Variants in GOSR1 observed in about 807,000 individuals in gnomAD.
The protein encoded by GOSR1 is 28 kDa Golgi SNARE protein.
In GOSR1, 21 loss-of-function variants were observed where a neutral mutation model predicts 35.5. That is an observed-to-expected ratio of 0.59 (90% CI 0.42 to 0.85). The LOEUF (loss-of-function observed/expected upper bound fraction) is 0.85, where lower values mean the gene tolerates loss of function less well. Ranked by LOEUF, GOSR1 falls within the 40% of genes least tolerant of loss-of-function variation. GOSR1 has a pLI of 0.00. For synonymous variants in GOSR1, 94 were observed against 106.6 expected (o/e 0.88, Z 0.73); for missense variants, 285 against 309.6 (o/e 0.92, Z 0.60).
chr17:30,478,308 C>T (rs1347064328), intron 1 of GOSR1, among the ~76,000 whole-genome samples: 1 of 152,212 alleles, frequency 6.6e-6, no homozygotes, highest in Non-Finnish European at 1.5e-5. Flanking sequence ...AAACTACTTT[C>T]CAAATTCCTT....
At chr17:30,496,958 C>G (rs1176121815) in intron 6 of GOSR1, among the ~76,000 whole-genome samples, 1 of 152,198 alleles carries the variant, frequency 6.6e-6, no homozygotes, top group Non-Finnish European at 1.5e-5. Flanking sequence ...GCACATTAAA[C>G]ACATCAGCTT....
intron 4 of GOSR1, among the ~76,000 whole-genome samples, chr17:30,488,330 A>AT (rs993489116): frequency 9.4e-5 from 14 of 149,310 alleles, no homozygotes; most frequent in Non-Finnish European, 1.5e-4. Context: ...ATGCCCGGCT[A>AT]TTTTTTTGTA....
chr17:30,499,902 C>G (rs1296533452), intron 6 of GOSR1, among the ~76,000 whole-genome samples: 1 of 152,164 alleles, frequency 6.6e-6, no homozygotes, highest in Non-Finnish European at 1.5e-5. Context: ...GTTAAGCCTT[C>G]CTTCAAGTGC....
chr17:30,513,379 G>A (rs1434688), intron 7 of GOSR1, among the ~76,000 whole-genome samples: 90,501 of 151,968 alleles, frequency 0.6, 27,939 homozygotes, highest in East Asian at 0.83. Context: ...AAAGCATTAT[G>A]TATTATTTAG....
chr17:30,492,910 C>T (rs1915133468), intron 6 of GOSR1, among the ~76,000 whole-genome samples, 157 bp downstream of exon 6: 1 of 152,074 alleles, frequency 6.6e-6, no homozygotes, highest in Non-Finnish European at 1.5e-5. Context: ...AAAGGAATTG[C>T]AACTGTTCCA....
chr17:30,507,941 T>C (rs1349884454), intron 6 of GOSR1, among the ~76,000 whole-genome samples: 1 of 152,212 alleles, frequency 6.6e-6, no homozygotes, highest in Non-Finnish European at 1.5e-5. Flanking sequence ...ACTTAGTTGA[T>C]AAAGCAGCAG....
At position 30,477,429 on chromosome 17, in the gene GOSR1, C is replaced by G. The variant is rs1356583857; in HGVS notation, c.-5C>G. The G allele has an allele frequency of 6.2e-7, 1 of 1,609,462 alleles. No homozygotes were observed. The highest frequency in any genetic ancestry group is 8.5e-7 in the Non-Finnish European group (1 of 1,177,374). On this transcript the variant is annotated 5_prime_UTR_variant, in exon 1 of 9. Transcript: ENST00000451249. The stretch of plus-strand genomic sequence containing the variant: ...CCCTATCCCGGCTGACGTTGGACGA[C>G]AAAGATGGCGGCAGGGACCAGCAGT...
intron 1 of GOSR1, chr17:30,478,731 A>T (rs1409563496): frequency 6.6e-6 from 1 of 151,906 alleles, no homozygotes; most frequent in African/African-American, 2.4e-5. Context: ...TAATTTTTGT[A>T]TTTTTAGTAG....
intron 8 of GOSR1, among the ~76,000 whole-genome samples, chr17:30,521,303 C>T (rs35625723): frequency 0.012 from 1,862 of 151,372 alleles, 27 homozygotes; most frequent in Non-Finnish European, 0.018. Context: ...CCGCCTCAGC[C>T]TTCTGAGTAG....
intron 4 of GOSR1, among the ~76,000 whole-genome samples, chr17:30,489,442 T>A (rs2143676806): frequency 6.6e-6 from 1 of 152,298 alleles, no homozygotes; most frequent in Admixed American, 6.5e-5. Context: ...GTAACAGTTA[T>A]GAGGTATGGA....
rs376676813 is a variant in GOSR1, at chr17:30,508,032, A to G, written c.510-2848A>G. On this transcript the variant is annotated intron_variant, in intron 6 of 8. Transcript: ENST00000451249. ...GCTACCAAACAGCATCTTATGGTAC[A>G]GAGAAATCTCTCAAGGCCCCAGTTT... Among the ~76,000 whole-genome samples, 143 of 152,350 alleles carry G rather than the reference A, an allele frequency of 9.4e-4. 1 individual carries two copies. In the South Asian group the frequency reaches 0.028, roughly 30 times the overall value.
intron 7 of GOSR1, among the ~76,000 whole-genome samples, chr17:30,516,940 C>G (rs1275391354): frequency 6.6e-6 from 1 of 152,194 alleles, no homozygotes; most frequent in Admixed American, 6.5e-5. Flanking sequence ...TCTTGAACTC[C>G]TTGGCCTCAA....
rs911235916 is a variant in GOSR1, at chr17:30,524,043, C to T, written c.*1665C>T. ...GCATGCTCCTTAAGAGTCATCACCA[C>T]TCCCTAATCTCAAGTACCCAGGGAC... On this transcript the variant is annotated 3_prime_UTR_variant, in exon 9 of 9. Transcript: ENST00000451249. The T allele has an allele frequency of 8.2e-5, 14 of 170,676 alleles. No homozygotes were observed. Among genetic ancestry groups the T allele is most frequent in the Non-Finnish European group, 1.5e-4 (12 of 82,420 alleles). The allele number at this position is 170,676 out of a possible 1,614,324, so 10.6% of individuals were successfully genotyped here. A position where few individuals can be genotyped will look rare whatever the true frequency, so the allele number is the denominator to read the frequency against.
At chr17:30,497,281 G>A (rs899594596) in intron 6 of GOSR1, among the ~76,000 whole-genome samples, 14 of 151,838 alleles carry the variant, frequency 9.2e-5, no homozygotes, top group Non-Finnish European at 2.1e-4. Flanking sequence ...TGGTTTCTAG[G>A]GTTAATTTTT....
At chr17:30,520,484 CTA>C (rs1967987721) in intron 8 of GOSR1, 1 of 152,484 alleles carries the variant, frequency 6.6e-6, no homozygotes, top group Admixed American at 6.5e-5. Flanking sequence ...GTTTGTAACT[CTA>C]TGCACAGGCT....
chr17:30,523,261 G>C lies in GOSR1; in HGVS notation c.*883G>C, dbSNP rs1431254329. Reference sequence around the variant, plus strand: ...CATCTAGGAAGTGAGGAGCGTCTCTGCCCGGCCGCCCATCGTCTGAGATGT... The same window carrying C: ...CATCTAGGAAGTGAGGAGCGTCTCTCCCCGGCCGCCCATCGTCTGAGATGT... On this transcript the variant is annotated 3_prime_UTR_variant, in exon 9 of 9. Transcript: ENST00000451249. 5.6e-6 allele frequency: 1 copy of C among 177,160 alleles called. No homozygotes were observed. Among genetic ancestry groups the C allele is most frequent in the African/African-American group, 2.4e-5 (1 of 41,460 alleles). 11.0% of individuals were successfully genotyped at this position (177,160 alleles called of 1,614,324 possible).
At chr17:30,504,611 A>G (rs913936788) in intron 6 of GOSR1, among the ~76,000 whole-genome samples, 7 of 152,206 alleles carry the variant, frequency 4.6e-5, no homozygotes, top group Non-Finnish European at 8.8e-5. Context: ...TGTGATTTAA[A>G]TTGGTCAAAA....
chr17:30,479,659 C>A (rs1258506338), intron 1 of GOSR1: 1 of 152,454 alleles, frequency 6.6e-6, no homozygotes, highest in Non-Finnish European at 1.5e-5. Flanking sequence ...CAGGCGCCCA[C>A]CACCACGCCT....
At chr17:30,512,451 C>G (rs1199618889) in intron 7 of GOSR1, among the ~76,000 whole-genome samples, 1 of 152,184 alleles carries the variant, frequency 6.6e-6, no homozygotes, top group African/African-American at 2.4e-5. Context: ...GCTCTTTACT[C>G]CTAAATATTT....
Sources: allele counts gnomAD v4.1 joint callset (sites outside exome capture counted in the v4.1 genomes callset), GRCh38; gene constraint gnomAD v4.1.1; transcripts MANE v1.5; gene names NCBI Gene and HGNC (gene_info 2026-07-23, HGNC 2026-07-21).